SNX29: variants seen among roughly 807,000 people sequenced by gnomAD.
SNX29 encodes sorting nexin 29, also known as sorting nexin-29.
Under a neutral mutation model 102.1 loss-of-function variants are expected in SNX29, and 78 were observed. The ratio of observed to expected loss-of-function variants is 0.76; its 90% CI spans 0.64 to 0.92. The LOEUF is 0.92. SNX29 is among the 40% of genes least tolerant of loss of function. The probability of loss-of-function intolerance (pLI) is 0.00; values close to 1 mark genes in which losing one functional copy is unlikely to be tolerated. For missense variants in SNX29, 1,280 were observed against 1,061.7 expected, an observed-to-expected ratio of 1.21 and a Z score of -2.86; for synonymous variants, 580 against 414.5, an observed-to-expected ratio of 1.40 and a Z score of -4.85.
intron 20 of SNX29, among the ~76,000 whole-genome samples, chr16:12,564,486 C>G (rs1273693084): frequency 6.6e-6 from 1 of 152,314 alleles, no homozygotes; most frequent in South Asian, 2.1e-4. Flanking sequence ...TCTCCAAGGT[C>G]TAGAGTGTCT....
chr16:12,520,588 T>C (rs1314899954), intron 19 of SNX29, among the ~76,000 whole-genome samples: 2 of 152,160 alleles, frequency 1.3e-5, no homozygotes, highest in Non-Finnish European at 2.9e-5. Flanking sequence ...AAAATATGGT[T>C]TATATACACC....
intron 18 of SNX29, among the ~76,000 whole-genome samples, chr16:12,414,111 G>C (rs2084524512): frequency 6.6e-6 from 1 of 152,188 alleles, no homozygotes; most frequent in African/African-American, 2.4e-5. Context: ...ATAAAAGTGT[G>C]TGCATGTTCA....
chr16:12,321,776 A>G (rs1164485303), intron 15 of SNX29, among the ~76,000 whole-genome samples: 1 of 152,140 alleles, frequency 6.6e-6, no homozygotes, highest in Non-Finnish European at 1.5e-5. Flanking sequence ...TCATAGATCT[A>G]GTTCTCAGAG....
intron 14 of SNX29, among the ~76,000 whole-genome samples, chr16:12,234,996 C>T (rs2077882675): frequency 6.6e-6 from 1 of 152,102 alleles, no homozygotes; most frequent in Admixed American, 6.6e-5. Flanking sequence ...TTTTCTCCCT[C>T]ATTCCTTCCT....
At chr16:12,039,516 A>G in intron 4 of SNX29, among the ~76,000 whole-genome samples, 1 of 152,038 alleles carries the variant, frequency 6.6e-6, no homozygotes, top group Non-Finnish European at 1.5e-5. Flanking sequence ...GTGAAGTTGA[A>G]TTGAAACATT....
At chr16:12,146,086 T>A (rs1597038626) in intron 13 of SNX29, among the ~76,000 whole-genome samples, 1 of 152,202 alleles carries the variant, frequency 6.6e-6, no homozygotes, top group African/African-American at 2.4e-5. Flanking sequence ...GTAACGGCTG[T>A]GTAGCATTCC....
intron 19 of SNX29, among the ~76,000 whole-genome samples, chr16:12,509,963 G>T (rs1021736266): frequency 6.6e-6 from 1 of 152,240 alleles, no homozygotes; most frequent in Non-Finnish European, 1.5e-5. Flanking sequence ...AATATGTTGG[G>T]TGATTGCATG....
At chr16:12,354,681 G>A (rs1424321885) in intron 15 of SNX29, among the ~76,000 whole-genome samples, 1 of 152,214 alleles carries the variant, frequency 6.6e-6, no homozygotes, top group Admixed American at 6.5e-5. Flanking sequence ...CAGCCCAGAG[G>A]AAGCTCGTGG....
Position 12,147,602 on chromosome 16 carries a change from G to A in SNX29, c.1595+17844G>A, listed in dbSNP as rs115046213. ...AAATGCTGGTGTTTGAGTTACTTCC[G>A]AGAAATGGTTGGAATGAAACAGCTG... is the stretch of plus-strand genomic sequence containing the variant. On this transcript the variant is annotated intron_variant, in intron 13 of 20. Coordinates refer to ENST00000566228, the MANE Select transcript of SNX29 (RefSeq NM_032167.5). Among the ~76,000 whole-genome samples, 92 of 152,284 alleles carry A rather than the reference G, an allele frequency of 6.0e-4. 1 individual carries two copies. The highest frequency in any genetic ancestry group is 1.9e-3 in the African/African-American group (77 of 41,568).
chr16:12,078,929 C>T lies in SNX29; in HGVS notation c.1402+14C>T, dbSNP rs1424871456. ...CCATGACAATTAGTAAGTACTTTCG[C>T]AGCCCCCTCCACCAGCTCTGGGATG... On this transcript the variant is annotated intron_variant, in intron 11 of 20. Transcript: ENST00000566228. 1.3e-6 allele frequency: 2 copies of T among 1,583,986 alleles called. No individual in the cohort carries two copies. Among genetic ancestry groups the T allele is most frequent in the Admixed American group, 1.8e-5 (1 of 55,408 alleles).
At chr16:12,374,511 C>G (rs1163200012) in intron 16 of SNX29, 1 of 152,296 alleles carries the variant, frequency 6.6e-6, no homozygotes, top group Admixed American at 6.5e-5. Flanking sequence ...TGTTAGATGT[C>G]TCAGGGTCAG....
intron 20 of SNX29, among the ~76,000 whole-genome samples, chr16:12,563,664 C>T (rs2903038): frequency 0.26 from 39,670 of 152,080 alleles, 5,762 homozygotes; most frequent in East Asian, 0.44. Flanking sequence ...CTTTTCAATT[C>T]CCCGAGAGCC....
rs569711644 is a variant in SNX29 at position 12,127,183 on chromosome 16, C to T, written c.1466+487C>T. ...CTGAGGCAGGAGAATTGCTTGAACC[C>T]GGGAGGCGGAGGTTGCAGTGAGCCG... is the stretch of plus-strand genomic sequence containing the variant. On this transcript the variant is annotated intron_variant, in intron 12 of 20. Coordinates refer to ENST00000566228, the MANE Select transcript of SNX29 (RefSeq NM_032167.5). Among the ~76,000 whole-genome samples the T allele has an allele frequency of 5.3e-5, 8 of 150,682 alleles. No individual in the cohort carries two copies. The South Asian group carries it at 6.3e-4, about 12-fold the overall frequency.
intron 13 of SNX29, among the ~76,000 whole-genome samples, chr16:12,193,535 C>G (rs543320760): frequency 6.6e-6 from 1 of 151,638 alleles, no homozygotes; most frequent in Non-Finnish European, 1.5e-5. Flanking sequence ...CTACTCTGGA[C>G]GATGCTTTTA....
At chr16:12,491,998 G>A (rs1455385069) in intron 19 of SNX29, among the ~76,000 whole-genome samples, 21 of 152,152 alleles carry the variant, frequency 1.4e-4, no homozygotes, top group East Asian at 3.8e-4. Context: ...ATACGTGTGC[G>A]TGTGTCTTTA....
intron 12 of SNX29, 41 bp downstream of exon 12, chr16:12,126,737 G>T (rs754715986): frequency 6.2e-7 from 1 of 1,608,132 alleles, no homozygotes; most frequent in South Asian, 1.1e-5. Flanking sequence ...CTCTTTCTTT[G>T]ACATTCTGCC....
At chr16:12,193,235 C>T (rs1242348708) in intron 13 of SNX29, among the ~76,000 whole-genome samples, 1 of 152,162 alleles carries the variant, frequency 6.6e-6, no homozygotes, top group Non-Finnish European at 1.5e-5. Flanking sequence ...TTACATTCCA[C>T]TACAGGAGTT....
chr16:12,541,796 G>A (rs545087875), intron 20 of SNX29, among the ~76,000 whole-genome samples: 49 of 152,278 alleles, frequency 3.2e-4, no homozygotes, highest in Non-Finnish European at 5.9e-4. Context: ...GAATGGAAAG[G>A]TTCAGAGGGC....
chr16:12,568,693 C>T lies in SNX29; in HGVS notation c.*64C>T. The T allele has an allele frequency of 1.9e-6, 3 of 1,575,534 alleles. No individual in the cohort carries two copies. The highest frequency in any genetic ancestry group is 2.6e-6 in the Non-Finnish European group (3 of 1,166,022). On this transcript the variant is annotated 3_prime_UTR_variant, in exon 21 of 21. Transcript: ENST00000566228. ...CCAGCTGCGTCCACCCCAGCCACTG[C>T]CGCTGGCCCCTCACCTCAGCGTGAC...
Sources: allele counts gnomAD v4.1 joint callset (sites outside exome capture counted in the v4.1 genomes callset), GRCh38; gene constraint gnomAD v4.1.1; transcripts MANE v1.5; gene names NCBI Gene and HGNC (gene_info 2026-07-23, HGNC 2026-07-21).